Variants in GREB1L observed in about 807,000 individuals in gnomAD.
GREB1L encodes GREB1-like protein.
GREB1L carries 17 observed loss-of-function variants against 200.8 expected under a neutral mutation model. The observed-to-expected ratio is 0.08, with a 90% CI of 0.06 to 0.13. The LOEUF (loss-of-function observed/expected upper bound fraction) is 0.13. Ranked by LOEUF, GREB1L falls within the 10% of genes least tolerant of loss-of-function variation. GREB1L has a pLI of 1.00. For synonymous variants in GREB1L, 789 were observed against 893.0 expected (o/e 0.88, Z 2.08); for missense variants, 1,657 against 2,367.7 (o/e 0.70, Z 6.23).
intron 1 of GREB1L, among the ~76,000 whole-genome samples, chr18:21,357,281 T>A (rs906695179): frequency 1.3e-5 from 2 of 152,228 alleles, no homozygotes; most frequent in African/African-American, 4.8e-5. Context: ...CTCTATCTCC[T>A]GACCTCGTGA....
At chr18:21,413,676 T>C (rs2031324938) in intron 7 of GREB1L, among the ~76,000 whole-genome samples, 1 of 152,116 alleles carries the variant, frequency 6.6e-6, no homozygotes, top group Non-Finnish European at 1.5e-5. Context: ...AGAGGCTCAA[T>C]AAATATTTGA....
intron 1 of GREB1L, among the ~76,000 whole-genome samples, chr18:21,326,371 T>A (rs899239856): frequency 6.6e-6 from 1 of 152,152 alleles, no homozygotes; most frequent in Admixed American, 6.5e-5. Context: ...AGAATTTATT[T>A]CTCTCTTTTA....
chr18:21,257,221 G>A (rs1275284808), intron 1 of GREB1L, among the ~76,000 whole-genome samples: 2 of 151,974 alleles, frequency 1.3e-5, no homozygotes, highest in Non-Finnish European at 2.9e-5. Context: ...GCCCGCCTCG[G>A]CTTCCCAAAG....
intron 5 of GREB1L, among the ~76,000 whole-genome samples, chr18:21,397,540 A>T (rs1344309328): frequency 3.6e-5 from 5 of 139,508 alleles, no homozygotes; most frequent in East Asian, 2.1e-4. Context: ...AAAAAAAAAA[A>T]AAATAATAAT....
At chr18:21,283,508 G>A (rs1231211785) in intron 1 of GREB1L, among the ~76,000 whole-genome samples, 1 of 152,186 alleles carries the variant, frequency 6.6e-6, no homozygotes, top group African/African-American at 2.4e-5. Flanking sequence ...TTGATTTGGA[G>A]CTGTGCTTTA....
intron 19 of GREB1L, 78 bp downstream of exon 19, chr18:21,490,429 G>GGT: frequency 8.1e-7 from 1 of 1,237,988 alleles, no homozygotes; most frequent in Non-Finnish European, 1.1e-6. Context: ...GGTGGCTCAG[G>GGT]GGCCTGAGTT....
At position 21,249,785 on chromosome 18, in the gene GREB1L, C is replaced by T. The variant is rs904504464; in HGVS notation, c.-120+7392C>T. Among the ~76,000 whole-genome samples, 7 of 151,546 alleles carry T rather than the reference C, an allele frequency of 4.6e-5. No individual in the cohort carries two copies. In the East Asian group the frequency reaches 5.8e-4, roughly 13 times the overall value. ...TGAGGCAGGAGAATCATTTGAACTC[C>T]GGAGGCGGAAGTTGCGGTGAGCTGA... On this transcript the variant is annotated intron_variant, in intron 1 of 32. Coordinates refer to ENST00000424526, the MANE Select transcript of GREB1L (RefSeq NM_001142966.3).
chr18:21,473,715 G>T (rs2035577075), intron 16 of GREB1L, among the ~76,000 whole-genome samples: 1 of 151,888 alleles, frequency 6.6e-6, no homozygotes, highest in Admixed American at 6.6e-5. Flanking sequence ...TTTCATGTTG[G>T]TTTTATGTTA....
intron 1 of GREB1L, among the ~76,000 whole-genome samples, chr18:21,286,879 G>T (rs1295643647): frequency 1.3e-5 from 2 of 152,072 alleles, no homozygotes; most frequent in Non-Finnish European, 2.9e-5. Context: ...ACTCCTGAAT[G>T]CAAGCCACCC....
At chr18:21,295,580 C>T (rs2038513933) in intron 1 of GREB1L, among the ~76,000 whole-genome samples, 1 of 152,116 alleles carries the variant, frequency 6.6e-6, no homozygotes, top group African/African-American at 2.4e-5. Flanking sequence ...CCTAAAAATC[C>T]ATGACAGAGT....
At chr18:21,374,301 GCCTTA>G (rs2039988371) in intron 2 of GREB1L, among the ~76,000 whole-genome samples, 1 of 152,168 alleles carries the variant, frequency 6.6e-6, no homozygotes, top group African/African-American at 2.4e-5. Flanking sequence ...ACTGCACCCA[GCCTTA>G]TTAGTTCTTG....
chr18:21,522,624 A>G (rs1352615258), intron 32 of GREB1L, 34 bp from the exon 33 acceptor site: 69 of 1,469,652 alleles, frequency 4.7e-5, no homozygotes, highest in Non-Finnish European at 6.0e-5. Context: ...TCAATCCCTG[A>G]GCCTAGGACA....
At chr18:21,278,380 CA>C (rs550496435) in intron 1 of GREB1L, among the ~76,000 whole-genome samples, 36 of 106,326 alleles carry the variant, frequency 3.4e-4, no homozygotes, top group South Asian at 9.3e-4. Context: ...GACTCCATCT[CA>C]AAAAAAAAAA....
In GREB1L at chr18:21,520,829, T is replaced by G; in HGVS notation, c.5608+6T>G. 6.5e-7 allele frequency: 1 copy of G among 1,526,908 alleles called. No homozygotes were observed. Among genetic ancestry groups the G allele is most frequent in the Non-Finnish European group, 8.8e-7 (1 of 1,132,506 alleles). 94.6% of individuals were successfully genotyped at this position (1,526,908 alleles called of 1,614,324 possible). A position where few individuals can be genotyped will look rare whatever the true frequency, so the allele number is the denominator to read the frequency against. On this transcript the variant is annotated splice_donor_region_variant and intron_variant, in intron 32 of 32. Coordinates refer to ENST00000424526, the MANE Select transcript of GREB1L (RefSeq NM_001142966.3). ...GAAATTTAAATTTCTAAAAGGTAAG[T>G]CAAATTTAGTATCTTGCTTGTAATT...
intron 7 of GREB1L, among the ~76,000 whole-genome samples, chr18:21,406,539 C>T (rs2030258561): frequency 6.6e-6 from 1 of 152,160 alleles, no homozygotes; most frequent in South Asian, 2.1e-4. Context: ...TTTCTTTCTT[C>T]TGACACTTGA....
In GREB1L at chr18:21,392,763, T is replaced by A. The variant is rs182469596; in HGVS notation, c.356-2622T>A. 3.6e-4 allele frequency among the ~76,000 whole-genome samples: 55 copies of A among 152,212 alleles called. No individual in the cohort carries two copies. The East Asian group carries it at 8.5e-3, about 24-fold the overall frequency. On this transcript the variant is annotated intron_variant, in intron 4 of 32. Coordinates refer to ENST00000424526, the MANE Select transcript of GREB1L (RefSeq NM_001142966.3). ...CATCCATTTTTTTAAATTTAAATTTTAATTTTTTTTCTTTAAAAAAAAAAT... is the reference window on the plus strand; with the variant it reads ...CATCCATTTTTTTAAATTTAAATTTAAATTTTTTTTCTTTAAAAAAAAAAT...
At chr18:21,276,401 G>A (rs775884578) in intron 1 of GREB1L, among the ~76,000 whole-genome samples, 2 of 152,122 alleles carry the variant, frequency 1.3e-5, no homozygotes, top group Non-Finnish European at 2.9e-5. Context: ...ATTCCCACCC[G>A]TTCTACATTC....
At chr18:21,395,229 C>T (rs2041004434) in intron 4 of GREB1L, among the ~76,000 whole-genome samples, 156 bp from the exon 5 acceptor site, 1 of 151,656 alleles carries the variant, frequency 6.6e-6, no homozygotes, top group Non-Finnish European at 1.5e-5. Context: ...CCACACTTGG[C>T]AGATTTGTCT....
chr18:21,362,249 A>G (rs1316328709), intron 1 of GREB1L, among the ~76,000 whole-genome samples: 1 of 152,172 alleles, frequency 6.6e-6, no homozygotes, highest in Non-Finnish European at 1.5e-5. Context: ...TAAGTAACTG[A>G]TATGTTGATT....
Sources: gnomAD v4.1 joint callset for allele counts (sites outside exome capture counted in the v4.1 genomes callset) on GRCh38, gnomAD v4.1.1 for gene constraint, MANE v1.5 for transcripts, NCBI Gene and HGNC (gene_info 2026-07-23, HGNC 2026-07-21) for gene names.